The following ATXN1 variants were observed in gnomAD, a reference collection of about 807,000 sequenced individuals.
ATXN1 encodes ataxin-1.
ATXN1 carries 8 observed loss-of-function variants against 56.4 expected under a neutral mutation model. The observed-to-expected ratio is 0.14, with a 90% CI of 0.08 to 0.26. The LOEUF (loss-of-function observed/expected upper bound fraction) is 0.26. Ranked by LOEUF, ATXN1 falls within the 10% of genes least tolerant of loss-of-function variation. The pLI, the probability that ATXN1 is intolerant of heterozygous loss-of-function variation, is 1.00. For missense variants in ATXN1, 987 were observed against 1,106.5 expected, an observed-to-expected ratio of 0.89 and a Z score of 1.53; for synonymous variants, 514 against 494.6, an observed-to-expected ratio of 1.04 and a Z score of -0.52.
At chr6:16,553,213 C>T (rs964200907) in intron 4 of ATXN1, among the ~76,000 whole-genome samples, 1 of 152,218 alleles carries the variant, frequency 6.6e-6, no homozygotes, top group Admixed American at 6.5e-5. Flanking sequence ...ATTCCAAATA[C>T]TGTATGACTC....
At chr6:16,740,756 C>T (rs1254387449) in intron 2 of ATXN1, among the ~76,000 whole-genome samples, 4 of 152,128 alleles carry the variant, frequency 2.6e-5, no homozygotes, top group African/African-American at 9.7e-5. Context: ...TGGTCTTGAA[C>T]TCCTAGCCTC....
chr6:16,627,803 G>A lies in ATXN1; in HGVS notation c.-489+29973C>T, dbSNP rs1581308870. Among the ~76,000 whole-genome samples the A allele has an allele frequency of 2.6e-5, 4 of 152,186 alleles. No individual in the cohort carries two copies. The Middle Eastern group carries it at 0.01, about 388-fold the overall frequency. ...TCACAAAAGGAATACACATCACAAC[G>A]CAGCCCTGCTGGACCACCCCAGCTC... On this transcript the variant is annotated intron_variant, in intron 3 of 7. Coordinates refer to ENST00000436367, the MANE Select transcript of ATXN1 (RefSeq NM_001128164.2).
chr6:16,545,508 T>C (rs1280332322), intron 4 of ATXN1, among the ~76,000 whole-genome samples: 1 of 152,172 alleles, frequency 6.6e-6, no homozygotes, highest in Non-Finnish European at 1.5e-5. Context: ...AAATGCCATC[T>C]AGACCATAAG....
rs1384721158 is a variant in ATXN1 at position 16,487,404 on chromosome 6, G to C, written c.-298-1295C>G. ...TGAATAATAACAAATCTTAGATTTG[G>C]AATTGGTAACACACTGACAAGTATA... On this transcript the variant is annotated intron_variant, in intron 5 of 7. Transcript: ENST00000436367. Among the ~76,000 whole-genome samples the C allele has an allele frequency of 3.3e-5, 5 of 152,210 alleles. No homozygotes were observed. The East Asian group carries it at 9.6e-4, about 29-fold the overall frequency.
chr6:16,665,092 G>T (rs1758398091), intron 2 of ATXN1, among the ~76,000 whole-genome samples: 1 of 152,152 alleles, frequency 6.6e-6, no homozygotes. Context: ...AGTTTTCTGT[G>T]ATATGTTGTT....
intron 3 of ATXN1, among the ~76,000 whole-genome samples, chr6:16,593,272 C>T (rs1056274594): frequency 3.9e-5 from 6 of 152,178 alleles, no homozygotes; most frequent in South Asian, 2.1e-4. Flanking sequence ...ACTCAAGGAG[C>T]GACACTGTCA....
chr6:16,710,060 G>T (rs898435758), intron 2 of ATXN1, among the ~76,000 whole-genome samples: 1 of 152,094 alleles, frequency 6.6e-6, no homozygotes, highest in Non-Finnish European at 1.5e-5. Flanking sequence ...AGGAAACTTC[G>T]TCAATCCAAT....
intron 6 of ATXN1, among the ~76,000 whole-genome samples, chr6:16,436,089 G>A (rs1447636187): frequency 2.0e-5 from 3 of 151,974 alleles, no homozygotes; most frequent in Non-Finnish European, 4.4e-5. Flanking sequence ...GTAGAGATGG[G>A]GTTTCACCAC....
At chr6:16,649,433 G>A (rs945520362) in intron 3 of ATXN1, among the ~76,000 whole-genome samples, 4 of 152,154 alleles carry the variant, frequency 2.6e-5, no homozygotes, top group African/African-American at 7.2e-5. Context: ...AGAACTGGAT[G>A]TGTCATTTAT....
At chr6:16,320,699 G>T (rs1453211133) in intron 7 of ATXN1, among the ~76,000 whole-genome samples, 2 of 152,268 alleles carry the variant, frequency 1.3e-5, no homozygotes, top group Non-Finnish European at 2.9e-5. Context: ...GGGAGCCCTT[G>T]TTTCTGCATT....
intron 5 of ATXN1, among the ~76,000 whole-genome samples, chr6:16,520,428 A>G (rs1761265871): frequency 1.3e-5 from 2 of 152,202 alleles, no homozygotes; most frequent in South Asian, 4.1e-4. Context: ...TCATGACCCC[A>G]GAAGGAAACC....
chr6:16,682,301 AT>A (rs1758831188), intron 2 of ATXN1, among the ~76,000 whole-genome samples: 1 of 146,220 alleles, frequency 6.8e-6, no homozygotes, highest in South Asian at 2.1e-4. Context: ...GGTTCAAGTG[AT>A]TCTCGTGCCT....
intron 6 of ATXN1, among the ~76,000 whole-genome samples, chr6:16,425,714 TAAG>T (rs1237604595): frequency 6.6e-6 from 1 of 152,068 alleles, no homozygotes; most frequent in Non-Finnish European, 1.5e-5. Flanking sequence ...AATTTAAGAA[TAAG>T]AAGTCATCTG....
At chr6:16,555,751 T>C (rs558988770) in intron 4 of ATXN1, among the ~76,000 whole-genome samples, 5 of 152,324 alleles carry the variant, frequency 3.3e-5, no homozygotes, top group African/African-American at 1.2e-4. Flanking sequence ...TCAGTTTCCC[T>C]AATTTATGGA....
In ATXN1 at chr6:16,306,509, G is replaced by C. The variant is rs1213247222; in HGVS notation, c.2268C>G (p.Pro756=). 1.2e-6 allele frequency: 2 copies of C among 1,614,072 alleles called. No individual in the cohort carries two copies. The highest frequency in any genetic ancestry group is 1.7e-6 in the Non-Finnish European group (2 of 1,180,046). Residue 756 remains proline (P), a synonymous_variant, in exon 8 of 8, where the codon CCC becomes CCG. Coordinates refer to ENST00000436367, the MANE Select transcript of ATXN1 (RefSeq NM_001128164.2). The surrounding 1 kb of genome is among the most constrained non-coding windows in gnomAD (Gnocchi z 5.2). The stretch of plus-strand genomic sequence containing the variant: ...TGCTGGGTTCTATTTTGGTGAGGAA[G>C]GGCGCTGCAGGCAATCCCATTTTCT... The part of the protein sequence containing the change: ...FPEKMGLPAA[P]FLTKIEPSKP...
intron 2 of ATXN1, among the ~76,000 whole-genome samples, chr6:16,736,479 T>G (rs1760136702): frequency 6.6e-6 from 1 of 152,206 alleles, no homozygotes; most frequent in South Asian, 2.1e-4. Context: ...AGAAAAATGC[T>G]AGAGGGGAAT....
At chr6:16,349,005 C>T (rs1270695911) in intron 6 of ATXN1, among the ~76,000 whole-genome samples, 1 of 152,172 alleles carries the variant, frequency 6.6e-6, no homozygotes, top group Non-Finnish European at 1.5e-5. Context: ...TTTCTCTGTG[C>T]CTCAGTTTGC....
chr6:16,745,420 G>A (rs976377846), intron 2 of ATXN1, among the ~76,000 whole-genome samples: 4 of 152,152 alleles, frequency 2.6e-5, no homozygotes, highest in Non-Finnish European at 5.9e-5. Context: ...AATGAGAACT[G>A]TATAGCTGAA....
chr6:16,550,527 T>G (rs1761901434), intron 4 of ATXN1, among the ~76,000 whole-genome samples: 1 of 152,256 alleles, frequency 6.6e-6, no homozygotes, highest in African/African-American at 2.4e-5. Flanking sequence ...TTGACTATGC[T>G]CTTCTGTAGT....
Sources: gnomAD v4.1 joint callset for allele counts (sites outside exome capture counted in the v4.1 genomes callset) on GRCh38, gnomAD v4.1.1 for gene constraint, Gnocchi (gnomAD v3.1) non-coding constraint, MANE v1.5 for transcripts, NCBI Gene and HGNC (gene_info 2026-07-23, HGNC 2026-07-21) for gene names.